TMEM214: variants seen among roughly 807,000 people sequenced by gnomAD.
The protein encoded by TMEM214 is transmembrane protein 214.
TMEM214 carries 71 observed loss-of-function variants against 89.8 expected under a neutral mutation model. The ratio of observed to expected loss-of-function variants is 0.79; its 90% CI spans 0.65 to 0.96. TMEM214 has a LOEUF of 0.96. Among genes scored for constraint, TMEM214 ranks in the 40% least tolerant of loss-of-function variants. The pLI, the probability that TMEM214 is intolerant of heterozygous loss-of-function variation, is 0.00. For missense variants in TMEM214, 754 were observed against 843.4 expected, an observed-to-expected ratio of 0.89 and a Z score of 1.31; for synonymous variants, 332 against 349.5, an observed-to-expected ratio of 0.95 and a Z score of 0.56.
rs1343184821 is a variant in TMEM214, at chr2:27,033,282, G to A, written c.151+116G>A. The A allele has an allele frequency of 4.6e-6, 5 of 1,076,070 alleles. No individual in the cohort carries two copies. In the African/African-American group the frequency reaches 4.9e-5, roughly 11 times the overall value. The allele number at this position is 1,076,070 out of a possible 1,614,324, so 66.7% of individuals were successfully genotyped here. ...GCACATCCCCGAGCGCCACGCTTGC[G>A]TTGTCTCTTTGGAGCCTCACGGGAG... On this transcript the variant is annotated intron_variant, in intron 1 of 16. Coordinates refer to ENST00000238788, the MANE Select transcript of TMEM214 (RefSeq NM_017727.5).
intron 4 of TMEM214, 112 bp from the exon 5 acceptor site, chr2:27,035,858 G>A (rs1324536956): frequency 1.3e-6 from 2 of 1,577,902 alleles, no homozygotes; most frequent in Admixed American, 3.4e-5. Flanking sequence ...AAAGTGTGGA[G>A]GAAGTTAGGA....
intron 14 of TMEM214, 96 bp downstream of exon 14, chr2:27,039,933 T>C (rs936478882): frequency 5.6e-6 from 9 of 1,595,166 alleles, no homozygotes; most frequent in Admixed American, 1.7e-5. Context: ...CTTGTGATTC[T>C]CCTTTCCCAC....
chr2:27,035,008 T>G, intron 2 of TMEM214, 127 bp from the exon 3 acceptor site: 1 of 1,008,618 alleles, frequency 9.9e-7, no homozygotes, highest in Non-Finnish European at 1.5e-6. Context: ...CATGTTCTTA[T>G]GCTTAAAAAT....
chr2:27,041,165 A>C lies in TMEM214; in HGVS notation c.*328A>C. The C allele has an allele frequency of 7.7e-6, 2 of 260,372 alleles. No individual in the cohort carries two copies. The highest frequency in any genetic ancestry group is 1.5e-5 in the Non-Finnish European group (2 of 132,820). The allele number at this position is 260,372 out of a possible 1,614,324, so 16.1% of individuals were successfully genotyped here. Reference sequence around the variant, plus strand: ...CCTTCCATCTCATTTCTAAACCCCAAACAGCTCATCTCTAAAAAGATAGAA... The same window carrying C: ...CCTTCCATCTCATTTCTAAACCCCACACAGCTCATCTCTAAAAAGATAGAA... On this transcript the variant is annotated 3_prime_UTR_variant, in exon 17 of 17. Transcript: ENST00000238788.
At chr2:27,037,448 G>A in intron 8 of TMEM214, 113 bp from the exon 9 acceptor site, 2 of 1,319,320 alleles carry the variant, frequency 1.5e-6, no homozygotes, top group Non-Finnish European at 1.1e-6. Context: ...CCATTGCAAG[G>A]TCCTCAGTGG....
rs1346696537 is a variant in TMEM214 at position 27,037,140 on chromosome 2, G to A, written c.972G>A (p.Leu324=). The change falls in exon 8 of 17, where the codon CTG becomes CTA. Residue 324 remains leucine (L), a synonymous_variant. Transcript: ENST00000238788. ...GCCCCAAGGACTTCTTCCCACTTCT[G>A]GACTTTGCCTATATGCCGAACAACT... ...MIGPKDFFPL[L]DFAYMPNNSL... 6.2e-7 allele frequency: 1 copy of A among 1,613,878 alleles called. No homozygotes were observed. The highest frequency in any genetic ancestry group is 1.3e-5 in the African/African-American group (1 of 74,866).
In TMEM214 at chr2:27,038,155, AGCCTGACTGAGT is replaced by A. The variant is rs1558398822; in HGVS notation, c.1170_1181del (p.Glu391_Thr394del). The A allele has an allele frequency of 6.2e-7, 1 of 1,614,132 alleles. No individual in the cohort carries two copies. The highest frequency in any genetic ancestry group is 8.5e-7 in the Non-Finnish European group (1 of 1,180,014). ...CTGTCGTGCTGTGCAGCTCCTGAGC[AGCCTGACTGAGT>A]GCCTGACGGTGGACCCCCTCAGTGC... On this transcript the variant is annotated inframe_deletion, in exon 10 of 17. Transcript: ENST00000238788. This position sits in a 1 kb window ranked among gnomAD's most constrained non-coding sequence, Gnocchi z 4.4.
intron 13 of TMEM214, 138 bp from the exon 14 acceptor site, chr2:27,039,603 G>A (rs1667728379): frequency 1.4e-5 from 11 of 771,824 alleles, no homozygotes; most frequent in Non-Finnish European, 2.5e-5. Context: ...ACAGCAGCCT[G>A]GAGCTGGCTT....
chr2:27,039,835 C>T lies in TMEM214; in HGVS notation c.1620C>T (p.Tyr540=), dbSNP rs1667749998. 1.9e-6 allele frequency: 3 copies of T among 1,614,146 alleles called. No individual in the cohort carries two copies. Among genetic ancestry groups the T allele is most frequent in the East Asian group, 2.2e-5 (1 of 44,880 alleles). Residue 540 remains tyrosine, a splice_region_variant and synonymous_variant, in exon 14 of 17, where the codon TAC becomes TAT. Coordinates refer to ENST00000238788, the MANE Select transcript of TMEM214 (RefSeq NM_017727.5). ...TCTACTCCTACAGTCTGCAAGGCTA[C>T]AGGTGAGCTCCTCCCAGGGAGGGGA... The part of the protein sequence containing the change: ...AKLYSYSLQG[Y]SWLGETLPLW...
intron 8 of TMEM214, 82 bp from the exon 9 acceptor site, chr2:27,037,479 T>C: frequency 6.4e-7 from 1 of 1,558,880 alleles, no homozygotes; most frequent in Non-Finnish European, 8.8e-7. Context: ...CAGGCAGGCA[T>C]GGGCTCTGAA....
intron 8 of TMEM214, 28 bp from the exon 9 acceptor site, chr2:27,037,533 G>A (rs760504644): frequency 1.9e-6 from 3 of 1,613,898 alleles, no homozygotes; most frequent in Admixed American, 3.3e-5. Flanking sequence ...TATAGCTTAT[G>A]CCTGTCTTTC....
In TMEM214 at chr2:27,034,204, A is replaced by G. The variant is rs774962672; in HGVS notation, c.289A>G (p.Thr97Ala). The G allele has an allele frequency of 6.4e-5, 104 of 1,613,932 alleles. No homozygotes were observed. Among genetic ancestry groups the G allele is most frequent in the Non-Finnish European group, 8.6e-5 (102 of 1,180,020 alleles). ...GNKKQPKKVATPPNQNQKQGR... is the reference protein window; with the variant it reads ...GNKKQPKKVAAPPNQNQKQGR... ...CAAGAAGCAGCCAAAGAAGGTGGCA[A>G]CTCCTCCCAACCAAAACCAGAAGCA... Residue 97 changes from threonine to alanine, a missense_variant, in exon 2 of 17, where the codon ACT becomes GCT. Thr to Ala is a moderately conservative substitution (Grantham distance 58, BLOSUM62 0). Transcript: ENST00000238788.
Position 27,040,484 on chromosome 2 carries a change from A to G in TMEM214, c.1931A>G (p.His644Arg), listed in dbSNP as rs773773301. Residue 644 changes from histidine (H) to arginine (R), a missense_variant, in exon 16 of 17, where the codon CAT becomes CGT. By Grantham distance (29) the His-to-Arg change is conservative (BLOSUM62 0). Transcript: ENST00000238788. Reference sequence around the variant, plus strand: ...CTGGCCTGGGCCCAGGAGCACTGCCATGAGGCATGCAGGTGAGACCTTTGC... The same window carrying G: ...CTGGCCTGGGCCCAGGAGCACTGCCGTGAGGCATGCAGGTGAGACCTTTGC... ...EALAWAQEHC[H>R]EACRGEVTWD... 2 of 1,613,790 alleles carry G rather than the reference A, an allele frequency of 1.2e-6. No homozygotes were observed. Among genetic ancestry groups the G allele is most frequent in the Non-Finnish European group, 1.7e-6 (2 of 1,180,012 alleles).
At chr2:27,039,630 C>A (rs916586881) in intron 13 of TMEM214, 111 bp from the exon 14 acceptor site, 46 of 961,894 alleles carry the variant, frequency 4.8e-5, no homozygotes, top group Non-Finnish European at 7.4e-5. Context: ...CCTGTGAGAA[C>A]ACAAAGCTCT....
chr2:27,038,647 G>T lies in TMEM214; in HGVS notation c.1294-55G>T. On this transcript the variant is annotated intron_variant, in intron 11 of 16. Transcript: ENST00000238788. The surrounding 1 kb of genome is among the most constrained non-coding windows in gnomAD (Gnocchi z 4.4). ...AAGGGACCCTGTTGGCATGGAAAATGAAGCAGGATGGAAGCTCTGGATTCC... is the reference window on the plus strand; with the variant it reads ...AAGGGACCCTGTTGGCATGGAAAATTAAGCAGGATGGAAGCTCTGGATTCC... 6.2e-7 allele frequency: 1 copy of T among 1,604,622 alleles called. No individual in the cohort carries two copies. Among genetic ancestry groups the T allele is most frequent in the Non-Finnish European group, 8.5e-7 (1 of 1,172,886 alleles).
intron 13 of TMEM214, chr2:27,039,444 T>G (rs766590687): frequency 3.7e-5 from 22 of 590,726 alleles, no homozygotes; most frequent in Non-Finnish European, 6.0e-5. Flanking sequence ...CAGAAAGATG[T>G]AGCAATTAGC....
At position 27,035,177 on chromosome 2, in the gene TMEM214, A is replaced by T. The variant is rs1190401016; in HGVS notation, c.394A>T (p.Ser132Cys). The change falls in exon 3 of 17, where the codon AGT becomes TGT. Residue 132 changes from serine (S) to cysteine (C), a missense_variant. Coordinates refer to ENST00000238788, the MANE Select transcript of TMEM214 (RefSeq NM_017727.5). ...GCAGAAGGAACTGGACAAGAGCCAG[A>T]GTGTGTTCTCTGGAAACCCATCCAT... is the stretch of plus-strand genomic sequence containing the variant. ...DLQKELDKSQ[S>C]VFSGNPSIWL... is the part of the protein sequence containing the mutation. 1 of 1,614,124 alleles carries T rather than the reference A, an allele frequency of 6.2e-7. No individual in the cohort carries two copies. The highest frequency in any genetic ancestry group is 1.7e-5 in the Admixed American group (1 of 60,012).
Position 27,037,554 on chromosome 2 carries a change from C to T in TMEM214, c.1011-7C>T. On this transcript the variant is annotated splice_region_variant and splice_polypyrimidine_tract_variant and intron_variant, in intron 8 of 16. Coordinates refer to ENST00000238788, the MANE Select transcript of TMEM214 (RefSeq NM_017727.5). ...TTATGCCTGTCTTTCCTCCCCACCC[C>T]ACCCAGCCTGCAGGAGCAGCTGTGT... 7 of 1,614,182 alleles carry T rather than the reference C, an allele frequency of 4.3e-6. No individual in the cohort carries two copies. The highest frequency in any genetic ancestry group is 5.9e-6 in the Non-Finnish European group (7 of 1,180,030).
intron 16 of TMEM214, 33 bp from the exon 17 acceptor site, chr2:27,040,678 T>C (rs767949465): frequency 1.2e-6 from 2 of 1,610,872 alleles, no homozygotes; most frequent in South Asian, 2.2e-5. Context: ...GCTACTCACG[T>C]GCATACTCAA....
Sources: gnomAD v4.1 joint callset for allele counts on GRCh38, gnomAD v4.1.1 for gene constraint, Gnocchi (gnomAD v3.1) non-coding constraint, MANE v1.5 for transcripts, NCBI Gene and HGNC (gene_info 2026-07-23, HGNC 2026-07-21) for gene names.